MRE11: variants seen among roughly 807,000 people sequenced by gnomAD.
MRE11 encodes the protein double-strand break repair protein MRE11.
MRE11 carries 62 observed loss-of-function variants against 91.7 expected under a neutral mutation model. The observed-to-expected ratio is 0.68, with a 90% confidence interval of 0.55 to 0.84. MRE11 has a LOEUF of 0.84. Ranked by LOEUF, MRE11 falls within the 40% of genes least tolerant of loss-of-function variation. The pLI is 0.00. For missense variants in MRE11, 796 were observed against 852.9 expected (o/e 0.93, Z 0.83); for synonymous variants, 273 against 271.4 (o/e 1.01, Z -0.06).
At chr11:94,498,571 C>A, upstream of MRE11, 1 of 1,519,520 alleles carries the variant, frequency 6.6e-7, no homozygotes, top group Non-Finnish European at 9.0e-7. Context: ...AATACCAGTG[C>A]CTCCTGTGTG....
chr11:94,475,537 C>G, intron 7 of MRE11: 1 of 452,236 alleles, frequency 2.2e-6, no homozygotes. Context: ...CCATCACTGT[C>G]ACCACCTCAC....
rs376478440 is a variant in MRE11 at position 94,492,703 on chromosome 11, A to C, written c.20+79T>G. On this transcript the variant is annotated intron_variant, in intron 2 of 19. Transcript: ENST00000323929. Reference sequence around the variant, plus strand: ...TTCCTTATTTACTGCTTATTAAATAAGTTTTCTTTTACTGTGATCACAGTT... The same window carrying C: ...TTCCTTATTTACTGCTTATTAAATACGTTTTCTTTTACTGTGATCACAGTT... 15 of 1,574,252 alleles carry C rather than the reference A, an allele frequency of 9.5e-6. No individual in the cohort carries two copies. The East Asian group carries it at 1.1e-4, about 12-fold the overall frequency.
chr11:94,511,628 A>G, the MRE11 span, among the ~76,000 whole-genome samples: 1 of 152,240 alleles, frequency 6.6e-6, no homozygotes, highest in African/African-American at 2.4e-5. Flanking sequence ...GCAGCAATAT[A>G]AGGATTTGGT....
intron 9 of MRE11, among the ~76,000 whole-genome samples, chr11:94,470,158 T>C (rs1181599264): frequency 2.0e-5 from 3 of 152,040 alleles, no homozygotes; most frequent in African/African-American, 7.2e-5. Flanking sequence ...CCTGCTTTCA[T>C]AAATAAAATG....
At chr11:94,457,582 T>C (rs1946286175) in intron 13 of MRE11, among the ~76,000 whole-genome samples, 1 of 152,162 alleles carries the variant, frequency 6.6e-6, no homozygotes, top group East Asian at 1.9e-4. Flanking sequence ...CCAAAGGTGC[T>C]AAGCCATTCA....
In MRE11 at chr11:94,420,161, A is replaced by G. The variant is rs1591621189; in HGVS notation, c.2091T>C (p.Phe697=). ...TTCTTCTTAAAGAACTAGTGTTCAT[A>G]AAAGGATCATCATCATCATCCTGAA... is the stretch of plus-strand genomic sequence containing the variant. ...ESSEDDDDDP[F]MNTSSLRRNR... Residue 697 remains phenylalanine, a synonymous_variant, in exon 20 of 20, where the codon TTT becomes TTC. Transcript: ENST00000323929. The G allele has an allele frequency of 6.3e-7, 1 of 1,582,024 alleles. No individual in the cohort carries two copies.
intron 4 of MRE11, among the ~76,000 whole-genome samples, chr11:94,482,604 T>C (rs1306660023): frequency 6.6e-6 from 1 of 152,058 alleles, no homozygotes; most frequent in Non-Finnish European, 1.5e-5. Flanking sequence ...AGAATGCAAT[T>C]TAAAAATAAG....
intron 18 of MRE11, among the ~76,000 whole-genome samples, chr11:94,430,970 A>G (rs1945448669): frequency 6.6e-6 from 1 of 152,202 alleles, no homozygotes; most frequent in Non-Finnish European, 1.5e-5. Flanking sequence ...GTCTACCTAC[A>G]TAATATCCCC....
intron 14 of MRE11, among the ~76,000 whole-genome samples, chr11:94,452,090 G>A (rs371428008): frequency 1.5e-4 from 23 of 151,466 alleles, no homozygotes; most frequent in African/African-American, 4.4e-4. Flanking sequence ...CTAGCTACTC[G>A]GGAGGCTGAA....
intron 18 of MRE11, among the ~76,000 whole-genome samples, chr11:94,430,392 C>T (rs1318944494): frequency 6.6e-6 from 1 of 152,126 alleles, no homozygotes; most frequent in African/African-American, 2.4e-5. Flanking sequence ...GTATACATTA[C>T]CATCTTCCAC....
At position 94,470,460 on chromosome 11, in the gene MRE11, A is replaced by T; in HGVS notation, c.1017+11T>A. On this transcript the variant is annotated intron_variant, in intron 9 of 19. Coordinates refer to ENST00000323929, the MANE Select transcript of MRE11 (RefSeq NM_005591.4). ...AAAGTAGATCTCATTGACTTTATCA[A>T]AAAGAATTACCTTCTCCAAACAGAA... 6.2e-7 allele frequency: 1 copy of T among 1,611,648 alleles called. No homozygotes were observed. The highest frequency in any genetic ancestry group is 1.1e-5 in the South Asian group (1 of 91,006).
At chr11:94,496,681 A>T (rs375282408), upstream of MRE11, 4 of 1,563,304 alleles carry the variant, frequency 2.6e-6, no homozygotes, top group Non-Finnish European at 3.5e-6. Flanking sequence ...TTTATTTAGA[A>T]TAGTAGTAAA....
At position 94,417,858 on chromosome 11, in the gene MRE11, C is replaced by T. The variant is rs1412193020; in HGVS notation, c.*2267G>A. On this transcript the variant is annotated 3_prime_UTR_variant, in exon 20 of 20. Coordinates refer to ENST00000323929, the MANE Select transcript of MRE11 (RefSeq NM_005591.4). Reference sequence around the variant, plus strand: ...ATTTTCTAAGCACCACTTATATTTTCAAGAATTTCCTAGAACTTCGAGGAA... The same window carrying T: ...ATTTTCTAAGCACCACTTATATTTTTAAGAATTTCCTAGAACTTCGAGGAA... 4.3e-6 allele frequency: 1 copy of T among 232,868 alleles called. No homozygotes were observed. The highest frequency in any genetic ancestry group is 8.5e-6 in the Non-Finnish European group (1 of 117,958). The allele number at this position is 232,868 out of a possible 1,614,324, so 14.4% of individuals were successfully genotyped here.
chr11:94,487,557 A>G (rs1947172478), intron 3 of MRE11, among the ~76,000 whole-genome samples: 1 of 152,238 alleles, frequency 6.6e-6, no homozygotes, highest in South Asian at 2.1e-4. Flanking sequence ...ACTAAATGCA[A>G]TATGTAAACC....
intron 3 of MRE11, among the ~76,000 whole-genome samples, chr11:94,489,877 C>T (rs1947241677): frequency 1.3e-5 from 2 of 152,242 alleles, no homozygotes; most frequent in South Asian, 2.1e-4. Context: ...GTACCTCTTC[C>T]TTATCTACCT....
chr11:94,420,254 G>A, intron 19 of MRE11, 73 bp from the exon 20 acceptor site: 1 of 1,198,222 alleles, frequency 8.3e-7, no homozygotes, highest in Non-Finnish European at 1.2e-6. Context: ...GTTCTTATGG[G>A]CAAAACAATA....
At position 94,457,887 on chromosome 11, in the gene MRE11, T is replaced by TCTCTCTCTCACA. The variant is rs372404360; in HGVS notation, c.1500+1520_1500+1521insTGTGAGAGAGAG. ...TTCTCTCTCTCCCTCTCTCTCTCTC[T>TCTCTCTCTCACA]CACACACACACACACACACACACAC... On this transcript the variant is annotated intron_variant, in intron 13 of 19. Coordinates refer to ENST00000323929, the MANE Select transcript of MRE11 (RefSeq NM_005591.4). Among the ~76,000 whole-genome samples the TCTCTCTCTCACA allele has an allele frequency of 7.5e-3, 1,078 of 144,288 alleles. 17 individuals carry two copies. Among genetic ancestry groups the TCTCTCTCTCACA allele is most frequent in the African/African-American group, 0.027 (1,034 of 38,642 alleles). 94.7% of individuals were successfully genotyped at this position (144,288 alleles called of 152,430 possible). A position where few individuals can be genotyped will look rare whatever the true frequency, so the allele number is the denominator to read the frequency against.
At chr11:94,491,072 AATC>A in intron 2 of MRE11, 107 bp from the exon 3 acceptor site, 3 of 765,372 alleles carry the variant, frequency 3.9e-6, no homozygotes, top group Non-Finnish European at 6.2e-6. Flanking sequence ...TATAGAGTAA[AATC>A]ATTTTTTTTA....
intron 10 of MRE11, among the ~76,000 whole-genome samples, chr11:94,466,311 T>C (rs1946561528): frequency 6.6e-6 from 1 of 152,186 alleles, no homozygotes; most frequent in African/African-American, 2.4e-5. Flanking sequence ...AAAGATCATT[T>C]TGGCATTAGT....
Sources: gnomAD v4.1 joint callset for allele counts (sites outside exome capture counted in the v4.1 genomes callset) on GRCh38, gnomAD v4.1.1 for gene constraint, MANE v1.5 for transcripts, NCBI Gene and HGNC (gene_info 2026-07-23, HGNC 2026-07-21) for gene names.